SYT9: variants seen among roughly 807,000 people sequenced by gnomAD.
SYT9 encodes the protein synaptotagmin-9.
SYT9 carries 22 observed loss-of-function variants against 48.4 expected under a neutral mutation model. The observed-to-expected ratio is 0.45, with a 90% CI of 0.32 to 0.65. SYT9 has a LOEUF of 0.65. SYT9 is among the 30% of genes least tolerant of loss of function. The pLI is 0.03. For synonymous variants in SYT9, 265 were observed against 245.0 expected (o/e 1.08, Z -0.76); for missense variants, 577 against 622.0 (o/e 0.93, Z 0.77).
intron 3 of SYT9, among the ~76,000 whole-genome samples, chr11:7,350,900 C>A (rs1391200502): frequency 1.3e-5 from 2 of 152,182 alleles, no homozygotes; most frequent in African/African-American, 4.8e-5. Context: ...ATAGTGGATT[C>A]TTGACCCTGA....
intron 6 of SYT9, among the ~76,000 whole-genome samples, chr11:7,449,170 C>G (rs559074885): frequency 6.6e-6 from 1 of 151,850 alleles, no homozygotes; most frequent in East Asian, 1.9e-4. Flanking sequence ...ATGGCAAAAC[C>G]CTGTCTCTAC....
chr11:7,382,641 G>A (rs2134047958), intron 3 of SYT9, among the ~76,000 whole-genome samples: 1 of 152,328 alleles, frequency 6.6e-6, no homozygotes, highest in South Asian at 2.1e-4. Context: ...TTAAACCAGG[G>A]AACTGGAGAA....
intron 3 of SYT9, among the ~76,000 whole-genome samples, chr11:7,340,596 G>A (rs1849695921): frequency 1.3e-5 from 2 of 152,324 alleles, no homozygotes; most frequent in South Asian, 4.1e-4. Context: ...GAGGATAAGT[G>A]AGGACCAGGA....
chr11:7,448,759 AG>A (rs1433291966), intron 6 of SYT9, among the ~76,000 whole-genome samples: 2 of 152,208 alleles, frequency 1.3e-5, no homozygotes, highest in African/African-American at 4.8e-5. Context: ...ATTCTTTAGC[AG>A]GGCCCAATGA....
At chr11:7,356,510 G>C (rs972332754) in intron 3 of SYT9, among the ~76,000 whole-genome samples, 1 of 152,128 alleles carries the variant, frequency 6.6e-6, no homozygotes, top group South Asian at 2.1e-4. Flanking sequence ...GCCCTCCAGG[G>C]AGGGAAGAAG....
At chr11:7,422,795 GT>G (rs1342992113) in intron 6 of SYT9, among the ~76,000 whole-genome samples, 7 of 152,122 alleles carry the variant, frequency 4.6e-5, no homozygotes, top group Non-Finnish European at 8.8e-5. Context: ...TTGCACACGG[GT>G]CCCTGAGTGG....
At chr11:7,407,541 C>T (rs1346084791) in intron 3 of SYT9, among the ~76,000 whole-genome samples, 1 of 99,622 alleles carries the variant, frequency 1.0e-5, no homozygotes, top group Non-Finnish European at 1.9e-5. Context: ...CCACCGCGCC[C>T]GGCTAATTTT....
intron 3 of SYT9, among the ~76,000 whole-genome samples, chr11:7,397,231 T>C (rs1227993747): frequency 1.3e-5 from 2 of 152,102 alleles, no homozygotes; most frequent in East Asian, 3.9e-4. Flanking sequence ...CAAATAGATA[T>C]CCAATTATTC....
intron 6 of SYT9, among the ~76,000 whole-genome samples, chr11:7,430,595 C>T (rs1309468163): frequency 1.3e-5 from 2 of 152,200 alleles, no homozygotes; most frequent in Non-Finnish European, 2.9e-5. Context: ...GCCCAAACCT[C>T]ATGTTGAATT....
chr11:7,325,957 T>A (rs1287418401), intron 3 of SYT9, among the ~76,000 whole-genome samples: 67 of 77,896 alleles, frequency 8.6e-4, no homozygotes, highest in Non-Finnish European at 1.0e-3. Context: ...ATCCCAGGGA[T>A]GAAGCCCACT....
intron 3 of SYT9, among the ~76,000 whole-genome samples, chr11:7,380,710 C>T (rs1850545099): frequency 6.6e-6 from 1 of 152,136 alleles, no homozygotes; most frequent in South Asian, 2.1e-4. Context: ...GTGCACATCC[C>T]TTTCTGTCCA....
intron 1 of SYT9, among the ~76,000 whole-genome samples, chr11:7,242,466 C>G (rs1374308216): frequency 6.6e-6 from 1 of 152,170 alleles, no homozygotes; most frequent in African/African-American, 2.4e-5. Flanking sequence ...TTAAGAACAC[C>G]ACCCTCTGCA....
At chr11:7,247,684 G>GTA (rs71470467), upstream of SYT9, among the ~76,000 whole-genome samples, 9,387 of 142,878 alleles carry the variant, frequency 0.066, 303 homozygotes, top group Non-Finnish European at 0.073. Flanking sequence ...ATATATGTGT[G>GTA]TATATATATA....
At chr11:7,454,922 G>T (rs961683807) in intron 6 of SYT9, among the ~76,000 whole-genome samples, 4 of 152,180 alleles carry the variant, frequency 2.6e-5, no homozygotes, top group African/African-American at 9.7e-5. Context: ...CTAACAGCAT[G>T]GCTGAGAGAT....
chr11:7,415,923 G>C (rs1480170481), intron 3 of SYT9, 119 bp from the exon 4 acceptor site: 1 of 1,238,118 alleles, frequency 8.1e-7, no homozygotes, highest in Non-Finnish European at 1.1e-6. Flanking sequence ...AGATACCAGG[G>C]ATTCTACAAG....
intron 6 of SYT9, 108 bp downstream of exon 6, chr11:7,420,743 G>A (rs35557297): frequency 0.034 from 46,912 of 1,386,698 alleles, 1,317 homozygotes; most frequent in East Asian, 0.15. Flanking sequence ...GGTCATAGAC[G>A]GGTTTTCCTG....
intron 3 of SYT9, among the ~76,000 whole-genome samples, chr11:7,402,587 G>A (rs1846915635): frequency 6.6e-6 from 1 of 152,022 alleles, no homozygotes; most frequent in Non-Finnish European, 1.5e-5. Flanking sequence ...TGAAATGTCT[G>A]TTTCCTCCAT....
At chr11:7,374,868 G>A (rs1420336716) in intron 3 of SYT9, among the ~76,000 whole-genome samples, 1 of 152,114 alleles carries the variant, frequency 6.6e-6, no homozygotes, top group African/African-American at 2.4e-5. Flanking sequence ...CATTCTGTAG[G>A]TTGCCTGTTC....
rs74365874 is a variant in SYT9 at position 7,456,034 on chromosome 11, A to T, written c.1468-10758A>T. On this transcript the variant is annotated intron_variant, in intron 6 of 6. Transcript: ENST00000318881. Reference sequence around the variant, plus strand: ...TCTAGTGAGCAATGCCCCATTTGGAATGAAGTACTCCCTTAATAGTTTGAT... The same window carrying T: ...TCTAGTGAGCAATGCCCCATTTGGATTGAAGTACTCCCTTAATAGTTTGAT... Among the ~76,000 whole-genome samples, 1,201 of 152,302 alleles carry T rather than the reference A, an allele frequency of 7.9e-3. 13 individuals carry two copies. The highest frequency in any genetic ancestry group is 0.026 in the African/African-American group (1,091 of 41,568).
Sources: allele counts gnomAD v4.1 joint callset (sites outside exome capture counted in the v4.1 genomes callset), GRCh38; gene constraint gnomAD v4.1.1; transcripts MANE v1.5; gene names NCBI Gene and HGNC (gene_info 2026-07-23, HGNC 2026-07-21).